Variants in POU2AF2 observed in about 807,000 individuals in gnomAD.
The protein encoded by POU2AF2 is POU domain class 2-associating factor 2.
the POU2AF2 span, among the ~76,000 whole-genome samples, chr11:111,248,547 G>C: frequency 6.6e-6 from 1 of 152,222 alleles, no homozygotes; most frequent in Non-Finnish European, 1.5e-5. Context: ...TCAAGAGGGA[G>C]TGTAATTCGG....
At chr11:111,247,920 T>TCAGG in the POU2AF2 span, among the ~76,000 whole-genome samples, 1 of 132,286 alleles carries the variant, frequency 7.6e-6, no homozygotes, top group Non-Finnish European at 1.6e-5. Flanking sequence ...GCTTTGTCGC[T>TCAGG]CAGGCTGGAG....
chr11:111,277,455 A>G, the POU2AF2 span, among the ~76,000 whole-genome samples: 1 of 152,190 alleles, frequency 6.6e-6, no homozygotes, highest in Non-Finnish European at 1.5e-5. Flanking sequence ...AGTAGAGGAG[A>G]AAGACAGAAA....
At chr11:111,247,604 G>A in the POU2AF2 span, among the ~76,000 whole-genome samples, 2 of 152,130 alleles carry the variant, frequency 1.3e-5, no homozygotes, top group Middle Eastern at 3.4e-3. Flanking sequence ...TGGCCAACAT[G>A]GTGAAACCCC....
chr11:111,280,011 A>C, the POU2AF2 span, among the ~76,000 whole-genome samples: 1 of 142,686 alleles, frequency 7.0e-6, no homozygotes, highest in Admixed American at 7.4e-5. Flanking sequence ...ATTGCACTAT[A>C]GCCTGGGTGA....
At chr11:111,259,704 AT>A in the POU2AF2 span, among the ~76,000 whole-genome samples, 1 of 152,204 alleles carries the variant, frequency 6.6e-6, no homozygotes, top group African/African-American at 2.4e-5. Flanking sequence ...TTAAAAAGAA[AT>A]ATACCACGTA....
At chr11:111,265,925 A>T in the POU2AF2 span, among the ~76,000 whole-genome samples, 1 of 152,040 alleles carries the variant, frequency 6.6e-6, no homozygotes, top group Non-Finnish European at 1.5e-5. Flanking sequence ...ATTGAGCTAT[A>T]CCACTGTCCT....
chr11:111,248,922 A>G, the POU2AF2 span, among the ~76,000 whole-genome samples: 2 of 152,322 alleles, frequency 1.3e-5, no homozygotes, highest in Admixed American at 6.5e-5. Flanking sequence ...ATTTTGAAAA[A>G]CAATCTTAAG....
At chr11:111,281,280 A>AGTTG in the POU2AF2 span, 1 of 757,726 alleles carries the variant, frequency 1.3e-6, no homozygotes, top group Non-Finnish European at 2.1e-6. Context: ...GGGTCAACCC[A>AGTTG]ACTCCCCAGA....
the POU2AF2 span, among the ~76,000 whole-genome samples, chr11:111,247,279 C>T: frequency 6.6e-6 from 1 of 151,114 alleles, no homozygotes; most frequent in Non-Finnish European, 1.5e-5. Context: ...TGTATCTTGG[C>T]TATTGTGAAC....
At chr11:111,285,907 G>T in the POU2AF2 span, 53 of 1,613,644 alleles carry the variant, frequency 3.3e-5, 1 homozygote, top group South Asian at 5.6e-4. Flanking sequence ...CCCCTTTCAT[G>T]ACGGTGTCAA....
chr11:111,285,683 G>T, the POU2AF2 span: 1 of 1,613,066 alleles, frequency 6.2e-7, no homozygotes, highest in African/African-American at 1.3e-5. Flanking sequence ...GTTGCCTGAC[G>T]GTCTCAGCCA....
the POU2AF2 span, among the ~76,000 whole-genome samples, chr11:111,253,527 A>G: frequency 2.0e-5 from 3 of 152,094 alleles, no homozygotes; most frequent in Non-Finnish European, 4.4e-5. Flanking sequence ...ATAATGTTCA[A>G]ACCTGTCTGA....
the POU2AF2 span, among the ~76,000 whole-genome samples, chr11:111,267,214 C>T: frequency 6.6e-6 from 1 of 152,236 alleles, no homozygotes; most frequent in Non-Finnish European, 1.5e-5. Context: ...ATCCCAGAAC[C>T]TGCTTTCTGT....
chr11:111,285,986 C>T, the POU2AF2 span: 2 of 1,613,928 alleles, frequency 1.2e-6, no homozygotes, highest in South Asian at 1.1e-5. Context: ...CCTCCATGAC[C>T]CTTCCCCTTG....
At chr11:111,279,208 TCTCCC>T in the POU2AF2 span, among the ~76,000 whole-genome samples, 8 of 152,292 alleles carry the variant, frequency 5.3e-5, no homozygotes, top group Non-Finnish European at 4.4e-5. Context: ...GCAAGATGTG[TCTCCC>T]ACCCCATTCT....
At chr11:111,247,690 G>T in the POU2AF2 span, among the ~76,000 whole-genome samples, 1 of 151,720 alleles carries the variant, frequency 6.6e-6, no homozygotes. Flanking sequence ...GGGAGGCTGA[G>T]GCAGGAGAAT....
the POU2AF2 span, among the ~76,000 whole-genome samples, chr11:111,247,713 G>A: frequency 1.3e-5 from 2 of 151,686 alleles, no homozygotes; most frequent in Non-Finnish European, 2.9e-5. Context: ...CTTGAACCCA[G>A]GAGGTGGAGG....
At chr11:111,255,499 C>A in the POU2AF2 span, among the ~76,000 whole-genome samples, 1 of 152,184 alleles carries the variant, frequency 6.6e-6, no homozygotes, top group Non-Finnish European at 1.5e-5. Flanking sequence ...TAACAAACAA[C>A]TTTCTTCTTA....
At chr11:111,252,385 A>G in the POU2AF2 span, among the ~76,000 whole-genome samples, 1 of 152,126 alleles carries the variant, frequency 6.6e-6, no homozygotes, top group Non-Finnish European at 1.5e-5. Flanking sequence ...GGGTCGGCGA[A>G]TTTGCATTTC....
Sources: gnomAD v4.1 joint callset for allele counts (sites outside exome capture counted in the v4.1 genomes callset) on GRCh38, gnomAD v4.1.1 for gene constraint, MANE v1.5 for transcripts, NCBI Gene and HGNC (gene_info 2026-07-23, HGNC 2026-07-21) for gene names.